CA4: variants seen among roughly 807,000 people sequenced by gnomAD.
CA4 encodes carbonic anhydrase 4, also known as CA-IV.
CA4 carries 24 observed loss-of-function variants against 34.5 expected under a neutral mutation model. That is an observed-to-expected ratio of 0.70 (90% confidence interval 0.50 to 0.98). The LOEUF (loss-of-function observed/expected upper bound fraction) is 0.98, where lower values mean the gene tolerates loss of function less well. CA4 is among the 50% of genes least tolerant of loss of function. CA4 has a pLI of 0.00. For synonymous variants in CA4, 178 were observed against 170.6 expected (o/e 1.04, Z -0.34); for missense variants, 394 against 396.7 (o/e 0.99, Z 0.06).
intron 1 of CA4, among the ~76,000 whole-genome samples, chr17:60,152,429 A>T (rs2083608396): frequency 6.6e-6 from 1 of 152,198 alleles, no homozygotes; most frequent in African/African-American, 2.4e-5. Flanking sequence ...TCAGCCAAGC[A>T]GGTCAAAAGT....
chr17:60,152,884 A>T (rs950915152), intron 1 of CA4, among the ~76,000 whole-genome samples: 13 of 152,262 alleles, frequency 8.5e-5, no homozygotes, highest in African/African-American at 3.1e-4. Flanking sequence ...TGAGGCCGAG[A>T]TTTGCTGGGC....
At chr17:60,155,175 C>G in intron 1 of CA4, 139 bp from the exon 2 acceptor site, 1 of 757,084 alleles carries the variant, frequency 1.3e-6, no homozygotes, top group Non-Finnish European at 2.3e-6. Flanking sequence ...TCTGGGCCCT[C>G]AATCCTGCTG....
chr17:60,169,262 A>AAAAAAAAAAAAAAAAAAGCAGC (rs1555574044), intron 5 of CA4, among the ~76,000 whole-genome samples: 48 of 149,752 alleles, frequency 3.2e-4, no homozygotes, highest in African/African-American at 1.2e-3. Flanking sequence ...AAAAAAAAAA[A>AAAAAAAAAAAAAAAAAAGCAGC]AGCAGCAGCA....
the CA4 span, among the ~76,000 whole-genome samples, chr17:60,177,901 A>G: frequency 7.2e-5 from 11 of 152,304 alleles, no homozygotes; most frequent in South Asian, 2.1e-4. Flanking sequence ...CAGGGTCTAA[A>G]TGAATAAACA....
downstream of CA4, among the ~76,000 whole-genome samples, chr17:60,160,435 G>C (rs1013090065): frequency 4.6e-5 from 7 of 152,174 alleles, no homozygotes; most frequent in African/African-American, 1.7e-4. Context: ...TTGTCTAATA[G>C]ATCGGGAGGC....
chr17:60,155,308 C>A lies in CA4; in HGVS notation c.59-6C>A. The A allele has an allele frequency of 6.2e-7, 1 of 1,611,376 alleles. No individual in the cohort carries two copies. The highest frequency in any genetic ancestry group is 1.1e-5 in the South Asian group (1 of 90,388). On this transcript the variant is annotated splice_region_variant and splice_polypyrimidine_tract_variant and intron_variant, in intron 1 of 7. Transcript: ENST00000300900. ...GCACACTTCACACCCTTCCTCTCTG[C>A]TCCAGAGTCACACTGGTGCTACGAG...
chr17:60,157,983 C>A (rs1262597770), intron 5 of CA4, 78 bp from the exon 6 acceptor site: 1 of 1,582,462 alleles, frequency 6.3e-7, no homozygotes. Flanking sequence ...GGCCTTCCGC[C>A]CCCAGATCGG....
intron 5 of CA4, among the ~76,000 whole-genome samples, chr17:60,164,579 T>A (rs1222626950): frequency 1.3e-5 from 2 of 151,688 alleles, no homozygotes; most frequent in African/African-American, 4.8e-5. Flanking sequence ...TTAGTAGAGA[T>A]GGGGTTTTGC....
intron 3 of CA4, 106 bp from the exon 4 acceptor site, chr17:60,157,321 G>A (rs1489170814): frequency 2.8e-6 from 3 of 1,053,928 alleles, no homozygotes; most frequent in Admixed American, 4.3e-5. Flanking sequence ...AGCTCATGAA[G>A]GTTGGGAGGC....
rs929390943 is a variant in CA4, at chr17:60,157,681, C to A, written c.415-9C>A. ...ATAGGTCCCCTTTTCACCCCTCCAC[C>A]CCGACCAGATGCACATAGTACATGA... On this transcript the variant is annotated splice_polypyrimidine_tract_variant and intron_variant, in intron 4 of 7. Transcript: ENST00000300900. The A allele has an allele frequency of 2.1e-5, 34 of 1,613,056 alleles. 1 individual carries two copies. The highest frequency in any genetic ancestry group is 1.1e-4 in the East Asian group (5 of 44,886).
downstream of CA4, among the ~76,000 whole-genome samples, chr17:60,175,755 T>G (rs1428414295): frequency 6.6e-6 from 1 of 151,924 alleles, no homozygotes; most frequent in Non-Finnish European, 1.5e-5. Flanking sequence ...GTATTAATTT[T>G]CTGTTTGTTC....
At chr17:60,165,507 T>C (rs530678432) in intron 5 of CA4, among the ~76,000 whole-genome samples, 153 of 152,296 alleles carry the variant, frequency 1.0e-3, no homozygotes, top group African/African-American at 3.6e-3. Flanking sequence ...GAAGGGGCTC[T>C]CGGCCAGGGC....
chr17:60,170,767 G>T (rs890113241), exon 6 of CA4: 1 of 152,144 alleles, frequency 6.6e-6, no homozygotes, highest in Non-Finnish European at 1.5e-5. Context: ...TCTTATTCAG[G>T]GCTTATTACA....
rs1245199379 is a variant in CA4 at position 60,150,068 on chromosome 17, G to A, written c.34G>A (p.Ala12Thr). 3.1e-6 allele frequency: 5 copies of A among 1,600,284 alleles called. No individual in the cohort carries two copies. The highest frequency in any genetic ancestry group is 4.2e-6 in the Non-Finnish European group (5 of 1,179,092). ...GCTGCTGGCGCTCCTGGCCCTCTCC[G>A]CGGCGCGGCCATCGGCCAGTGCAGG... ...RMLLALLALS[A>T]ARPSASAESH... The change falls in exon 1 of 8, where the codon GCG becomes ACG. Residue 12 changes from alanine to threonine, a missense_variant. Coordinates refer to ENST00000300900, the MANE Select transcript of CA4 (RefSeq NM_000717.5).
Position 60,156,719 on chromosome 17 carries a change from G to A in CA4, c.268+4G>A, listed in dbSNP as rs976917275. ...GTCCAAAATAACGGGCACTCAGGTG[G>A]GCTGGATGGAGGCCCCAGGCAGGCC... On this transcript the variant is annotated splice_donor_region_variant and intron_variant, in intron 3 of 7. Transcript: ENST00000300900. 3 of 1,613,918 alleles carry A rather than the reference G, an allele frequency of 1.9e-6. No homozygotes were observed. In the Admixed American group the frequency reaches 5.0e-5, roughly 27 times the overall value.
At chr17:60,160,223 C>T (rs1233775322), downstream of CA4, among the ~76,000 whole-genome samples, 3 of 152,218 alleles carry the variant, frequency 2.0e-5, no homozygotes, top group Non-Finnish European at 4.4e-5. Context: ...GCGTTCTCCC[C>T]TGTGCTAGGG....
chr17:60,166,979 C>A (rs1320879633), intron 5 of CA4, among the ~76,000 whole-genome samples: 3 of 151,648 alleles, frequency 2.0e-5, no homozygotes, highest in Non-Finnish European at 4.4e-5. Context: ...GAAAACCCCC[C>A]AAAAAACAAA....
At chr17:60,158,526 C>A in intron 7 of CA4, 80 bp downstream of exon 7, 4 of 1,422,066 alleles carry the variant, frequency 2.8e-6, no homozygotes, top group Non-Finnish European at 3.9e-6. Flanking sequence ...CCTCAGAGGT[C>A]CCTCAGGATA....
Position 60,156,501 on chromosome 17 carries a change from G to A in CA4, c.113-59G>A, listed in dbSNP as rs1019563774. On this transcript the variant is annotated intron_variant, in intron 2 of 7. Coordinates refer to ENST00000300900, the MANE Select transcript of CA4 (RefSeq NM_000717.5). The stretch of plus-strand genomic sequence containing the variant: ...GTGGGCCTGACTTCAGTGGGGTGGT[G>A]GGGGCTACACCTTGGTGCCAGGCAC... 66 of 1,566,120 alleles carry A rather than the reference G, an allele frequency of 4.2e-5. No individual in the cohort carries two copies. In the African/African-American group the frequency reaches 7.2e-4, roughly 17 times the overall value.
Sources: gnomAD v4.1 joint callset for allele counts (sites outside exome capture counted in the v4.1 genomes callset) on GRCh38, gnomAD v4.1.1 for gene constraint, MANE v1.5 for transcripts, NCBI Gene and HGNC (gene_info 2026-07-23, HGNC 2026-07-21) for gene names.